NR3C1: variants seen among roughly 807,000 people sequenced by gnomAD.
The protein encoded by NR3C1 is glucocorticoid receptor.
A neutral mutation model predicts 74.0 loss-of-function variants in NR3C1; 14 were observed. The ratio of observed to expected loss-of-function variants is 0.19; its 90% CI spans 0.12 to 0.30. The LOEUF (loss-of-function observed/expected upper bound fraction) is 0.30, where lower values mean the gene tolerates loss of function less well. Among genes scored for constraint, NR3C1 ranks in the 10% least tolerant of loss-of-function variants. NR3C1 has a pLI of 1.00. For missense variants in NR3C1, 695 were observed against 909.8 expected, an observed-to-expected ratio of 0.76 and a Z score of 3.04; for synonymous variants, 308 against 332.5, an observed-to-expected ratio of 0.93 and a Z score of 0.80.
At chr5:143,370,028 A>T (rs915492025) in intron 2 of NR3C1, among the ~76,000 whole-genome samples, 1 of 152,206 alleles carries the variant, frequency 6.6e-6, no homozygotes, top group African/African-American at 2.4e-5. Context: ...AACCCAGCTA[A>T]GAATTCATAG....
At chr5:143,411,082 G>A (rs1841276066) in intron 1 of NR3C1, among the ~76,000 whole-genome samples, 1 of 152,122 alleles carries the variant, frequency 6.6e-6, no homozygotes, top group Non-Finnish European at 1.5e-5. Flanking sequence ...TGTTCTTAAA[G>A]TTATTTCTGT....
Position 143,281,685 on chromosome 5 carries a change from C to T in NR3C1, c.*204G>A, listed in dbSNP as rs1813128782. ...TAAATTTCACCATCTACTCTCCCAT[C>T]ACTGAAAAGTGATGACGACTCAACT... On this transcript the variant is annotated 3_prime_UTR_variant, in exon 9 of 9. Transcript: ENST00000394464. The T allele has an allele frequency of 3.6e-6, 2 of 557,128 alleles. No homozygotes were observed. The highest frequency in any genetic ancestry group is 3.8e-5 in the African/African-American group (2 of 52,804). 34.5% of individuals were successfully genotyped at this position (557,128 alleles called of 1,614,324 possible).
At chr5:143,427,456 G>A (rs1215325908) in intron 1 of NR3C1, among the ~76,000 whole-genome samples, 2 of 152,012 alleles carry the variant, frequency 1.3e-5, no homozygotes, top group Non-Finnish European at 2.9e-5. Flanking sequence ...AATAAGGCAA[G>A]AAGAAGAGGG....
chr5:143,291,515 C>A (rs1024240278), intron 7 of NR3C1, among the ~76,000 whole-genome samples: 2 of 75,930 alleles, frequency 2.6e-5, no homozygotes, highest in Non-Finnish European at 3.6e-5. Context: ...TGAGCCACCA[C>A]GCCTGGCTGG....
intron 1 of NR3C1, among the ~76,000 whole-genome samples, chr5:143,420,082 C>T (rs543387039): frequency 8.5e-4 from 130 of 152,264 alleles, no homozygotes; most frequent in Admixed American, 1.7e-3. Context: ...GGCTCACCGG[C>T]GGTCAGAGTT....
chr5:143,294,068 C>T (rs1339206214), intron 7 of NR3C1: 22 of 983,086 alleles, frequency 2.2e-5, no homozygotes, highest in Non-Finnish European at 2.7e-5. Flanking sequence ...ATTATTAATA[C>T]TTCTTATATC....
At chr5:143,423,064 T>C (rs1027401644) in intron 1 of NR3C1, among the ~76,000 whole-genome samples, 1 of 152,182 alleles carries the variant, frequency 6.6e-6, no homozygotes, top group Admixed American at 6.5e-5. Context: ...GAGATGACAT[T>C]GGTCTGGCCA....
chr5:143,286,137 A>G (rs1461384915), intron 7 of NR3C1, among the ~76,000 whole-genome samples: 1 of 152,182 alleles, frequency 6.6e-6, no homozygotes, highest in Non-Finnish European at 1.5e-5. Context: ...AAATTCCTTC[A>G]AAGATGTAAA....
At chr5:143,286,303 A>G (rs370915772) in intron 7 of NR3C1, among the ~76,000 whole-genome samples, 1 of 152,196 alleles carries the variant, frequency 6.6e-6, no homozygotes, top group Non-Finnish European at 1.5e-5. Flanking sequence ...CCATATTATC[A>G]TAACACCAAA....
intron 2 of NR3C1, among the ~76,000 whole-genome samples, chr5:143,365,675 C>T (rs1463841207): frequency 2.0e-5 from 3 of 152,154 alleles, no homozygotes; most frequent in Admixed American, 2.0e-4. Context: ...ACCTGTCAAA[C>T]ACTCTACCCA....
chr5:143,385,516 G>GAGC (rs1837028896), intron 2 of NR3C1, among the ~76,000 whole-genome samples: 1 of 152,126 alleles, frequency 6.6e-6, no homozygotes, highest in Non-Finnish European at 1.5e-5. Flanking sequence ...ATGTTGTTAG[G>GAGC]AGCAGCCAGG....
intron 7 of NR3C1, among the ~76,000 whole-genome samples, chr5:143,288,852 T>C (rs975159524): frequency 6.6e-6 from 1 of 151,708 alleles, no homozygotes; most frequent in African/African-American, 2.4e-5. Flanking sequence ...ATGCCTGTAA[T>C]CCCAGCACTT....
intron 2 of NR3C1, among the ~76,000 whole-genome samples, chr5:143,325,534 G>A (rs1301931009): frequency 6.6e-6 from 1 of 152,192 alleles, no homozygotes; most frequent in South Asian, 2.1e-4. Flanking sequence ...CACAGTGCTT[G>A]TGTTCAAGTA....
chr5:143,360,052 T>C (rs1831938869), intron 2 of NR3C1, among the ~76,000 whole-genome samples: 2 of 152,244 alleles, frequency 1.3e-5, no homozygotes, highest in South Asian at 4.1e-4. Flanking sequence ...TGTGCAAATG[T>C]GTACAGTTTA....
chr5:143,435,474 A>G (rs1752060384), exon 1 of NR3C1: 1 of 985,524 alleles, frequency 1.0e-6, no homozygotes, highest in Admixed American at 6.1e-5. Context: ...AGGAAGAGGT[A>G]CCTTTTGAAT....
At chr5:143,429,882 C>T (rs1442202631) in intron 1 of NR3C1, among the ~76,000 whole-genome samples, 2 of 151,952 alleles carry the variant, frequency 1.3e-5, no homozygotes, top group African/African-American at 4.8e-5. Context: ...GAGTTCAAGA[C>T]CAGCCTGGCC....
Position 143,314,276 on chromosome 5 carries a change from C to T in NR3C1, c.1185-108G>A, listed in dbSNP as rs987149534. 22 of 1,170,884 alleles carry T rather than the reference C, an allele frequency of 1.9e-5. No individual in the cohort carries two copies. In the East Asian group the frequency reaches 4.8e-4, roughly 25 times the overall value. 72.5% of individuals were successfully genotyped at this position (1,170,884 alleles called of 1,614,324 possible). ...TCAGAATGCTCACAGTGAACTCTGG[C>T]TTCAAGTGCTAGCAGGCACTAAAAT... is the stretch of plus-strand genomic sequence containing the variant. On this transcript the variant is annotated intron_variant, in intron 2 of 8. Transcript: ENST00000394464.
At chr5:143,366,623 G>C (rs113617476) in intron 2 of NR3C1, among the ~76,000 whole-genome samples, 13 of 151,186 alleles carry the variant, frequency 8.6e-5, no homozygotes, top group African/African-American at 2.9e-4. Flanking sequence ...CGAAATGAAA[G>C]AGTGAACATT....
chr5:143,371,170 T>C (rs1341402449), intron 2 of NR3C1, among the ~76,000 whole-genome samples: 3 of 152,246 alleles, frequency 2.0e-5, no homozygotes, highest in Admixed American at 2.0e-4. Context: ...TTTGTCATTA[T>C]ATGTACATCT....
Sources: allele counts gnomAD v4.1 joint callset (sites outside exome capture counted in the v4.1 genomes callset), GRCh38; gene constraint gnomAD v4.1.1; transcripts MANE v1.5; gene names NCBI Gene and HGNC (gene_info 2026-07-23, HGNC 2026-07-21).